LOXL2: variants seen among roughly 807,000 people sequenced by gnomAD.
The protein encoded by LOXL2 is lysyl oxidase homolog 2.
LOXL2 carries 70 observed loss-of-function variants against 93.0 expected under a neutral mutation model. That is an observed-to-expected ratio of 0.75 (90% CI 0.62 to 0.92). LOXL2 has a LOEUF of 0.92. Ranked by LOEUF, LOXL2 falls within the 40% of genes least tolerant of loss-of-function variation. The pLI is 0.00. For synonymous variants in LOXL2, 438 were observed against 413.2 expected, an observed-to-expected ratio of 1.06 and a Z score of -0.73; for missense variants, 973 against 1,054.9, an observed-to-expected ratio of 0.92 and a Z score of 1.08.
chr8:23,390,149 A>G (rs1289322361), intron 1 of LOXL2, among the ~76,000 whole-genome samples: 1 of 152,144 alleles, frequency 6.6e-6, no homozygotes, highest in Non-Finnish European at 1.5e-5. Flanking sequence ...GACCAACAGG[A>G]GAGATGAATG....
intron 9 of LOXL2, among the ~76,000 whole-genome samples, chr8:23,310,702 A>G (rs1411399706): frequency 6.6e-6 from 1 of 152,208 alleles, no homozygotes; most frequent in Non-Finnish European, 1.5e-5. Flanking sequence ...TCTGATTCCT[A>G]CTGCCAAATT....
intron 1 of LOXL2, among the ~76,000 whole-genome samples, chr8:23,382,189 T>C (rs947316841): frequency 4.6e-5 from 7 of 152,148 alleles, no homozygotes; most frequent in African/African-American, 1.7e-4. Flanking sequence ...TCAGTTTTTA[T>C]CTCTGTGAAG....
Position 23,315,322 on chromosome 8 carries a change from T to C in LOXL2, c.1636+1627A>G, listed in dbSNP as rs76106408. ...TTGGTGGGGTGAGAATAAGATATTATGAAGGGTTGCCTGAAGAATTACTTT... is the reference window on the plus strand; with the variant it reads ...TTGGTGGGGTGAGAATAAGATATTACGAAGGGTTGCCTGAAGAATTACTTT... On this transcript the variant is annotated intron_variant, in intron 9 of 13. Transcript: ENST00000389131. 3.1e-3 allele frequency among the ~76,000 whole-genome samples: 474 copies of C among 152,246 alleles called. 4 individuals carry two copies. The highest frequency in any genetic ancestry group is 0.011 in the African/African-American group (449 of 41,540).
At chr8:23,400,575 G>T (rs1800142654) in intron 1 of LOXL2, among the ~76,000 whole-genome samples, 1 of 152,148 alleles carries the variant, frequency 6.6e-6, no homozygotes, top group African/African-American at 2.4e-5. Context: ...GTCAAATGCA[G>T]AATAAAGTCA....
At chr8:23,401,239 G>C (rs1036675000) in intron 1 of LOXL2, among the ~76,000 whole-genome samples, 2 of 152,216 alleles carry the variant, frequency 1.3e-5, no homozygotes, top group Admixed American at 6.5e-5. Context: ...ATAGTGGACA[G>C]AAAAGTAGTT....
chr8:23,315,031 G>C (rs1803372636), intron 9 of LOXL2, among the ~76,000 whole-genome samples: 1 of 152,082 alleles, frequency 6.6e-6, no homozygotes, highest in Admixed American at 6.5e-5. Context: ...TGGGACCCTT[G>C]GGTGGGATTT....
intron 9 of LOXL2, among the ~76,000 whole-genome samples, chr8:23,311,233 T>G (rs1441957876): frequency 6.6e-6 from 1 of 152,196 alleles, no homozygotes; most frequent in African/African-American, 2.4e-5. Context: ...CACTGGCACC[T>G]GATGGAGCTG....
chr8:23,303,124 C>T lies in LOXL2; in HGVS notation c.1996+158G>A, dbSNP rs781757858. Among the ~76,000 whole-genome samples the T allele has an allele frequency of 3.3e-5, 5 of 151,906 alleles. No individual in the cohort carries two copies. The South Asian group carries it at 6.2e-4, about 19-fold the overall frequency. ...AACCAGGTCATGCCCATGCCCCCAG[C>T]GCCTCACTATAGCTGAGGAAGGTCC... On this transcript the variant is annotated intron_variant, in intron 11 of 13. Coordinates refer to ENST00000389131, the MANE Select transcript of LOXL2 (RefSeq NM_002318.3).
At position 23,402,067 on chromosome 8, in the gene LOXL2, C is replaced by T. The variant is rs534916715; in HGVS notation, c.-84+1887G>A. Among the ~76,000 whole-genome samples the T allele has an allele frequency of 7.9e-5, 12 of 151,752 alleles. No individual in the cohort carries two copies. The East Asian group carries it at 2.3e-3, about 30-fold the overall frequency. Reference sequence around the variant, plus strand: ...ACACACATACACACAAGTGCACAAACGCGCACACACACATACACATGCAAA... The same window carrying T: ...ACACACATACACACAAGTGCACAAATGCGCACACACACATACACATGCAAA... On this transcript the variant is annotated intron_variant, in intron 1 of 13. Coordinates refer to ENST00000389131, the MANE Select transcript of LOXL2 (RefSeq NM_002318.3).
At chr8:23,372,855 T>C (rs4565463) in intron 1 of LOXL2, among the ~76,000 whole-genome samples, 55,563 of 151,992 alleles carry the variant, frequency 0.37, 10,613 homozygotes, top group East Asian at 0.57. Context: ...AATCCTGGGG[T>C]TGAAGATGTG....
At chr8:23,382,712 C>T (rs1371397205) in intron 1 of LOXL2, among the ~76,000 whole-genome samples, 1 of 152,064 alleles carries the variant, frequency 6.6e-6, no homozygotes, top group Non-Finnish European at 1.5e-5. Context: ...TTCTGCCCTG[C>T]TCTGGTCAGT....
At chr8:23,391,707 T>G (rs73549887) in intron 1 of LOXL2, among the ~76,000 whole-genome samples, 1 of 152,080 alleles carries the variant, frequency 6.6e-6, no homozygotes, top group Non-Finnish European at 1.5e-5. Context: ...ATGAAATCAC[T>G]GCAAGCAAGT....
intron 3 of LOXL2, among the ~76,000 whole-genome samples, chr8:23,359,301 A>G (rs1165661003): frequency 6.6e-6 from 1 of 152,198 alleles, no homozygotes; most frequent in East Asian, 1.9e-4. Flanking sequence ...TGTGATCCAT[A>G]GAATACAGCA....
At chr8:23,317,683 A>G (rs1803424392) in intron 8 of LOXL2, among the ~76,000 whole-genome samples, 1 of 152,218 alleles carries the variant, frequency 6.6e-6, no homozygotes, top group South Asian at 2.1e-4. Context: ...GAAGCTGAGG[A>G]GATCCGAGGC....
At chr8:23,384,252 A>G (rs1030630664) in intron 1 of LOXL2, among the ~76,000 whole-genome samples, 19 of 152,230 alleles carry the variant, frequency 1.2e-4, no homozygotes, top group African/African-American at 4.3e-4. Flanking sequence ...AGAGCAAGGC[A>G]TGATCCCAGC....
At chr8:23,362,542 G>A (rs1804313371) in intron 2 of LOXL2, among the ~76,000 whole-genome samples, 1 of 152,172 alleles carries the variant, frequency 6.6e-6, no homozygotes, top group South Asian at 2.1e-4. Context: ...AGACCAGCCT[G>A]GGCAATATAG....
At chr8:23,303,152 G>A (rs1803167811) in intron 11 of LOXL2, 130 bp downstream of exon 11, 1 of 690,508 alleles carries the variant, frequency 1.4e-6, no homozygotes, top group African/African-American at 1.7e-5. Flanking sequence ...GAAGGTCCAG[G>A]TGGGGAAAGG....
In LOXL2 at chr8:23,314,874, C is replaced by CAAA. The variant is rs1406877675; in HGVS notation, c.1636+2072_1636+2074dup. On this transcript the variant is annotated intron_variant, in intron 9 of 13. Coordinates refer to ENST00000389131, the MANE Select transcript of LOXL2 (RefSeq NM_002318.3). Reference sequence around the variant, plus strand: ...AAATAAAAAAGGAGAAAAACAACAACAAAAAACAAGTAGCCTGTGCCAGGC... The same window carrying CAAA: ...AAATAAAAAAGGAGAAAAACAACAACAAAAAAAAACAAGTAGCCTGTGCCAGGC... Among the ~76,000 whole-genome samples, 19 of 151,498 alleles carry CAAA rather than the reference C, an allele frequency of 1.3e-4. 1 individual carries two copies. Among genetic ancestry groups the CAAA allele is most frequent in the African/African-American group, 4.6e-4 (19 of 41,202 alleles).
chr8:23,319,781 C>G, intron 8 of LOXL2, 104 bp downstream of exon 8: 1 of 1,300,890 alleles, frequency 7.7e-7, no homozygotes, highest in South Asian at 1.3e-5. Context: ...CTCTGTCCTG[C>G]CTGCACGGCT....
Sources: gnomAD v4.1 joint callset for allele counts (sites outside exome capture counted in the v4.1 genomes callset) on GRCh38, gnomAD v4.1.1 for gene constraint, MANE v1.5 for transcripts, NCBI Gene and HGNC (gene_info 2026-07-23, HGNC 2026-07-21) for gene names.